SACM1L: variants seen among roughly 807,000 people sequenced by gnomAD.
SACM1L encodes phosphatidylinositol-3-phosphatase SAC1.
SACM1L carries 32 observed loss-of-function variants against 89.5 expected under a neutral mutation model. That is an observed-to-expected ratio of 0.36 (90% CI 0.27 to 0.48). The LOEUF is 0.48. Ranked by LOEUF, SACM1L falls within the 20% of genes least tolerant of loss-of-function variation. The pLI is 0.99. For synonymous variants in SACM1L, 213 were observed against 232.8 expected (o/e 0.92, Z 0.77); for missense variants, 543 against 708.5 (o/e 0.77, Z 2.65).
chr3:45,729,288 T>G (rs866258987), intron 11 of SACM1L, among the ~76,000 whole-genome samples: 4 of 152,054 alleles, frequency 2.6e-5, no homozygotes, highest in Non-Finnish European at 1.5e-5. Flanking sequence ...GGTTTTCATG[T>G]TGGCCAGGCT....
At chr3:45,693,315 A>C (rs1396592435) in intron 1 of SACM1L, among the ~76,000 whole-genome samples, 1 of 152,220 alleles carries the variant, frequency 6.6e-6, no homozygotes, top group Non-Finnish European at 1.5e-5. Flanking sequence ...AGTCCTCCTC[A>C]GTACCTAACA....
At chr3:45,738,392 T>C (rs1699247386) in intron 16 of SACM1L, among the ~76,000 whole-genome samples, 186 bp from the exon 17 acceptor site, 1 of 152,202 alleles carries the variant, frequency 6.6e-6, no homozygotes, top group Non-Finnish European at 1.5e-5. Flanking sequence ...TTTGGTAATA[T>C]TTTAGAAAGA....
chr3:45,735,926 G>T (rs1699188298), intron 14 of SACM1L, among the ~76,000 whole-genome samples: 1 of 152,060 alleles, frequency 6.6e-6, no homozygotes, highest in African/African-American at 2.4e-5. Context: ...GAGTGCAGTG[G>T]TGCAGTCTCG....
chr3:45,727,874 C>T (rs967357889), intron 11 of SACM1L, among the ~76,000 whole-genome samples: 3 of 152,148 alleles, frequency 2.0e-5, no homozygotes, highest in African/African-American at 7.2e-5. Context: ...GGATTACAGG[C>T]GTGAGCCACT....
At chr3:45,738,011 G>A (rs549212237) in intron 16 of SACM1L, among the ~76,000 whole-genome samples, 167 bp downstream of exon 16, 11 of 152,256 alleles carry the variant, frequency 7.2e-5, no homozygotes, top group East Asian at 1.9e-4. Context: ...AGTGAGGCCC[G>A]GGTACTGGTG....
At chr3:45,729,277 G>A (rs940115404) in intron 11 of SACM1L, among the ~76,000 whole-genome samples, 1 of 11,504 alleles carries the variant, frequency 8.7e-5, no homozygotes, top group Admixed American at 1.3e-3. Flanking sequence ...GGCAGAGACA[G>A]GGTTTTCATG....
chr3:45,691,488 T>A (rs907874467), intron 1 of SACM1L, among the ~76,000 whole-genome samples: 16 of 152,244 alleles, frequency 1.1e-4, no homozygotes, highest in African/African-American at 3.9e-4. Flanking sequence ...AGCCATTTTT[T>A]AAAATGTGTC....
intron 7 of SACM1L, among the ~76,000 whole-genome samples, chr3:45,716,104 G>C (rs1698652230): frequency 6.6e-6 from 1 of 152,238 alleles, no homozygotes; most frequent in Middle Eastern, 3.4e-3. Flanking sequence ...AGAGGCGGGA[G>C]CTGTGTTCAG....
In SACM1L at chr3:45,697,141, T is replaced by G. The variant is rs143021711; in HGVS notation, c.33-6297T>G. On this transcript the variant is annotated intron_variant, in intron 1 of 19. Transcript: ENST00000389061. ...AACAGTCAAAAAGGAGGAAGCAACC[T>G]AAGTGTTGATTCTTTCTTTTTTTTT... 9.8e-3 allele frequency among the ~76,000 whole-genome samples: 1,497 copies of G among 152,150 alleles called. 18 individuals are homozygous for G. Among genetic ancestry groups the G allele is most frequent in the African/African-American group, 0.034 (1,421 of 41,532 alleles).
At chr3:45,703,104 C>A (rs1247231060) in intron 1 of SACM1L, among the ~76,000 whole-genome samples, 1 of 152,174 alleles carries the variant, frequency 6.6e-6, no homozygotes, top group Non-Finnish European at 1.5e-5. Flanking sequence ...TGTCTAAGGT[C>A]ACACTACTGG....
intron 19 of SACM1L, among the ~76,000 whole-genome samples, chr3:45,741,028 C>A (rs551278111): frequency 1.3e-5 from 2 of 152,168 alleles, no homozygotes; most frequent in Non-Finnish European, 2.9e-5. Flanking sequence ...AGAATGTATT[C>A]TTTATTCTCC....
rs541107976 is a variant in SACM1L at position 45,708,515 on chromosome 3, T to C, written c.334-983T>C. On this transcript the variant is annotated intron_variant, in intron 4 of 19. Transcript: ENST00000389061. ...ATAAACATTTTAAAAAATAAAATTA[T>C]AGCACTGCCTACCTGAGTAAAACTA... is the stretch of plus-strand genomic sequence containing the variant. 2.0e-5 allele frequency among the ~76,000 whole-genome samples: 3 copies of C among 152,176 alleles called. No homozygotes were observed. The South Asian group carries it at 6.2e-4, about 32-fold the overall frequency.
chr3:45,689,552 G>A, intron 1 of SACM1L, 55 bp downstream of exon 1: 1 of 1,539,512 alleles, frequency 6.5e-7, no homozygotes, highest in Non-Finnish European at 8.8e-7. Context: ...GCAGGTGCGG[G>A]CCCTGGCCTC....
At chr3:45,689,917 C>T (rs1380175738) in intron 1 of SACM1L, 1 of 207,988 alleles carries the variant, frequency 4.8e-6, no homozygotes, top group Non-Finnish European at 9.7e-6. Context: ...AGTCTACGCA[C>T]AAATCAACAA....
intron 11 of SACM1L, among the ~76,000 whole-genome samples, chr3:45,729,729 C>T (rs1162243720): frequency 1.3e-5 from 2 of 151,998 alleles, no homozygotes; most frequent in Non-Finnish European, 2.9e-5. Flanking sequence ...TTTCAGGATT[C>T]CGTTTTTGTC....
chr3:45,698,524 T>TA (rs1698182369), intron 1 of SACM1L, among the ~76,000 whole-genome samples: 1 of 152,188 alleles, frequency 6.6e-6, no homozygotes, highest in African/African-American at 2.4e-5. Context: ...CCTTGATCCA[T>TA]AATTACTCTT....
intron 16 of SACM1L, among the ~76,000 whole-genome samples, chr3:45,738,268 A>C (rs1699245157): frequency 6.6e-6 from 1 of 152,222 alleles, no homozygotes. Flanking sequence ...TGGGAGCAGA[A>C]TAAGATTTCT....
chr3:45,691,530 A>C (rs1697987579), intron 1 of SACM1L, among the ~76,000 whole-genome samples: 1 of 152,200 alleles, frequency 6.6e-6, no homozygotes, highest in Non-Finnish European at 1.5e-5. Context: ...ATCCATGCAA[A>C]AGAGATAGTT....
Position 45,744,653 on chromosome 3 carries a change from A to G in SACM1L, c.*984A>G, listed in dbSNP as rs1243074296. ...CTATCAATGAATGTGTCTAAAACTTAGTGCTTCCAGGTAGTTATAGTACTC... is the reference window on the plus strand; with the variant it reads ...CTATCAATGAATGTGTCTAAAACTTGGTGCTTCCAGGTAGTTATAGTACTC... On this transcript the variant is annotated 3_prime_UTR_variant, in exon 20 of 20. Transcript: ENST00000389061. 2 of 152,666 alleles carry G rather than the reference A, an allele frequency of 1.3e-5. No individual in the cohort carries two copies. The highest frequency in any genetic ancestry group is 6.5e-5 in the Admixed American group (1 of 15,286). The allele number at this position is 152,666 out of a possible 1,614,324, so 9.5% of individuals were successfully genotyped here. A position where few individuals can be genotyped will look rare whatever the true frequency, so the allele number is the denominator to read the frequency against.
Sources: allele counts gnomAD v4.1 joint callset (sites outside exome capture counted in the v4.1 genomes callset), GRCh38; gene constraint gnomAD v4.1.1; transcripts MANE v1.5; gene names NCBI Gene and HGNC (gene_info 2026-07-23, HGNC 2026-07-21).